Variants in PSMD2 observed in about 807,000 individuals in gnomAD.
PSMD2 encodes the protein proteasome 26S subunit ubiquitin receptor, non-ATPase 2, also known as 26S proteasome non-ATPase regulatory subunit 2.
A neutral mutation model predicts 101.5 loss-of-function variants in PSMD2; 8 were observed. The ratio of observed to expected loss-of-function variants is 0.08; its 90% CI spans 0.05 to 0.14. The LOEUF (loss-of-function observed/expected upper bound fraction) is 0.14. PSMD2 is among the 10% of genes least tolerant of loss of function. The pLI is 1.00. For synonymous variants in PSMD2, 418 were observed against 433.8 expected (o/e 0.96, Z 0.45); for missense variants, 784 against 1,147.4 (o/e 0.68, Z 4.58).
At position 184,308,001 on chromosome 3, in the gene PSMD2, C is replaced by T. The variant is rs138940467; in HGVS notation, c.2410C>T (p.Leu804=). The T allele has an allele frequency of 5.0e-6, 8 of 1,613,928 alleles. No individual in the cohort carries two copies. The highest frequency in any genetic ancestry group is 4.2e-6 in the Non-Finnish European group (5 of 1,180,048). The change falls in exon 19 of 21, where the codon CTG becomes TTG. Residue 804 remains leucine, a synonymous_variant. Coordinates refer to ENST00000310118, the MANE Select transcript of PSMD2 (RefSeq NM_002808.5). The surrounding 1 kb of genome is among the most constrained non-coding windows in gnomAD (Gnocchi z 6.0). ...AGLLTVLVSF[L]DVRNIILGKS... Reference sequence around the variant, plus strand: ...ACTGCTCACTGTGCTTGTCTCTTTCCTGGATGTTCGAAACAGTGAGTTCCT... The same window carrying T: ...ACTGCTCACTGTGCTTGTCTCTTTCTTGGATGTTCGAAACAGTGAGTTCCT...
At chr3:184,303,263 CT>C (rs1721710409) in intron 8 of PSMD2, 56 bp from the exon 9 acceptor site, 2 of 1,583,546 alleles carry the variant, frequency 1.3e-6, no homozygotes, top group African/African-American at 2.7e-5. Context: ...TGCTGTGTTT[CT>C]TTCCTGTCCT....
intron 1 of PSMD2, 22 bp from the exon 2 acceptor site, chr3:184,299,829 G>A: frequency 1.2e-6 from 2 of 1,606,650 alleles, no homozygotes; most frequent in Non-Finnish European, 1.7e-6. Flanking sequence ...CTCTTCATGA[G>A]CTGCTTCTCC....
At position 184,305,800 on chromosome 3, in the gene PSMD2, G is replaced by T; in HGVS notation, c.1572G>T (p.Met524Ile). The change falls in exon 13 of 21, where the codon ATG (methionine) becomes ATT (isoleucine). Residue 524 changes from methionine to isoleucine, a missense_variant. Coordinates refer to ENST00000310118, the MANE Select transcript of PSMD2 (RefSeq NM_002808.5). ...VAGVTALACGMIAVGSCNGDV... is the reference protein window; with the variant it reads ...VAGVTALACGIIAVGSCNGDV... ...GTGTCACAGCTTTAGCCTGTGGAAT[G>T]ATAGCAGTAGGGTCCTGCAATGGAG... 6.2e-7 allele frequency: 1 copy of T among 1,614,116 alleles called. No individual in the cohort carries two copies. The highest frequency in any genetic ancestry group is 2.2e-5 in the East Asian group (1 of 44,892).
chr3:184,302,130 A>C, intron 5 of PSMD2, 59 bp downstream of exon 5: 2 of 1,532,660 alleles, frequency 1.3e-6, no homozygotes, highest in African/African-American at 1.4e-5. Context: ...CTCTCTCTCA[A>C]TTGCGCCTCC....
intron 12 of PSMD2, among the ~76,000 whole-genome samples, chr3:184,305,007 T>G (rs1031707587): frequency 1.8e-4 from 28 of 152,218 alleles, no homozygotes; most frequent in African/African-American, 6.5e-4. Context: ...TGATTCTCCT[T>G]AGTATTGTAG....
Position 184,299,319 on chromosome 3 carries a change from C to A in PSMD2, c.53C>A (p.Ala18Glu). The change falls in exon 1 of 21, where the codon GCG (alanine) becomes GAG (glutamate). Residue 18 changes from alanine to glutamate, a missense_variant. Around this residue, in one of 6 missense-constraint regions of PSMD2, gnomAD observed 196 missense variants for 182.4 expected, o/e 1.07. Coordinates refer to ENST00000310118, the MANE Select transcript of PSMD2 (RefSeq NM_002808.5). ...KAPVQPQQSP[A>E]AAPGGTDEKP... Reference sequence around the variant, plus strand: ...CCGGTGCAGCCCCAGCAGTCTCCAGCGGCGGCCCCCGGCGGCACGGACGAG... The same window carrying A: ...CCGGTGCAGCCCCAGCAGTCTCCAGAGGCGGCCCCCGGCGGCACGGACGAG... The A allele has an allele frequency of 7.1e-7, 1 of 1,400,396 alleles. No homozygotes were observed. Among genetic ancestry groups the A allele is most frequent in the Admixed American group, 3.2e-5 (1 of 31,430 alleles). 86.7% of individuals were successfully genotyped at this position (1,400,396 alleles called of 1,614,324 possible). A position where few individuals can be genotyped will look rare whatever the true frequency, so the allele number is the denominator to read the frequency against.
At position 184,306,735 on chromosome 3, in the gene PSMD2, C is replaced by T. The variant is rs762148638; in HGVS notation, c.1951-16C>T. 6.2e-7 allele frequency: 1 copy of T among 1,610,110 alleles called. No homozygotes were observed. Among genetic ancestry groups the T allele is most frequent in the Non-Finnish European group, 8.5e-7 (1 of 1,177,618 alleles). ...TTCCTTGAGCTTAATGGGTTCTGCT[C>T]TCTCTTCAATTGCAGGGAGTGGCTG... On this transcript the variant is annotated splice_polypyrimidine_tract_variant and intron_variant, in intron 15 of 20. Transcript: ENST00000310118.
At chr3:184,306,654 C>CACAGG in intron 15 of PSMD2, 97 bp from the exon 16 acceptor site, 2 of 1,523,770 alleles carry the variant, frequency 1.3e-6, no homozygotes, top group Non-Finnish European at 1.8e-6. Flanking sequence ...AGGTGTTCCC[C>CACAGG]ACAGGATGGC....
intron 5 of PSMD2, 64 bp from the exon 6 acceptor site, chr3:184,302,306 T>G (rs1040496665): frequency 5.4e-5 from 76 of 1,404,954 alleles, no homozygotes; most frequent in Non-Finnish European, 6.7e-5. Context: ...TTTGGGTAAG[T>G]GAATTCATGG....
At position 184,307,497 on chromosome 3, in the gene PSMD2, C is replaced by A; in HGVS notation, c.2175C>A (p.Ser725=). 1 of 1,614,172 alleles carries A rather than the reference C, an allele frequency of 6.2e-7. No individual in the cohort carries two copies. Among genetic ancestry groups the A allele is most frequent in the South Asian group, 1.1e-5 (1 of 91,088 alleles). The change falls in exon 17 of 21, where the codon TCC becomes TCA. Residue 725 remains serine, a synonymous_variant. Transcript: ENST00000310118. ...HDADPEVSYN[S]IFAMGMVGSG... is the part of the protein sequence containing the mutation. ...CTGATCCAGAAGTTTCCTATAACTC[C>A]ATTTTTGCCATGGGCATGGTGGGCA...
intron 3 of PSMD2, 56 bp downstream of exon 3, chr3:184,300,500 A>G: frequency 1.9e-6 from 3 of 1,577,482 alleles, no homozygotes; most frequent in Non-Finnish European, 8.6e-7. Context: ...TTTTACCCAG[A>G]TCATGGGGGG....
At chr3:184,299,747 C>A (rs533914796) in intron 1 of PSMD2, 104 bp from the exon 2 acceptor site, 1 of 931,120 alleles carries the variant, frequency 1.1e-6, no homozygotes, top group South Asian at 1.4e-5. Flanking sequence ...TCCACCTGGC[C>A]CCTCCTAAGG....
chr3:184,304,465 G>A lies in PSMD2; in HGVS notation c.1539+74G>A, dbSNP rs926203944. ...AGTCTTACTTTCTGTGATAAATAATGAAAAAGAAGTAAGTGTGTGCATGTG... is the reference window on the plus strand; with the variant it reads ...AGTCTTACTTTCTGTGATAAATAATAAAAAAGAAGTAAGTGTGTGCATGTG... On this transcript the variant is annotated intron_variant, in intron 12 of 20. Coordinates refer to ENST00000310118, the MANE Select transcript of PSMD2 (RefSeq NM_002808.5). The surrounding 1 kb of genome is among the most constrained non-coding windows in gnomAD (Gnocchi z 4.1). 3 of 1,464,792 alleles carry A rather than the reference G, an allele frequency of 2.0e-6. No homozygotes were observed. The highest frequency in any genetic ancestry group is 2.9e-6 in the Non-Finnish European group (3 of 1,045,872). The allele number at this position is 1,464,792 out of a possible 1,614,324, so 90.7% of individuals were successfully genotyped here.
At chr3:184,301,406 T>A (rs1189344664) in intron 3 of PSMD2, 131 bp from the exon 4 acceptor site, 1 of 1,169,806 alleles carries the variant, frequency 8.5e-7, no homozygotes, top group Non-Finnish European at 1.2e-6. Context: ...TTACATAACA[T>A]GTTAAATTTC....
rs1396630606 is a variant in PSMD2 at position 184,304,981 on chromosome 3, C to T, written c.1539+590C>T. 6.6e-6 allele frequency among the ~76,000 whole-genome samples: 1 copy of T among 152,072 alleles called. No homozygotes were observed. The highest frequency in any genetic ancestry group is 1.5e-5 in the Non-Finnish European group (1 of 68,040). Reference sequence around the variant, plus strand: ...TGGACTAGAGTGAAGTGTAACTTAACACAGCCTGGGGTTGATGATTCTCCT... The same window carrying T: ...TGGACTAGAGTGAAGTGTAACTTAATACAGCCTGGGGTTGATGATTCTCCT... On this transcript the variant is annotated intron_variant, in intron 12 of 20. Transcript: ENST00000310118. The surrounding 1 kb of genome is among the most constrained non-coding windows in gnomAD (Gnocchi z 4.1).
rs1269052215 is a variant in PSMD2 at position 184,307,778 on chromosome 3, G to T, written c.2298+70G>T. On this transcript the variant is annotated intron_variant, in intron 18 of 20. Coordinates refer to ENST00000310118, the MANE Select transcript of PSMD2 (RefSeq NM_002808.5). Reference sequence around the variant, plus strand: ...GTGGTGATGGAAGGAGGAACATGGAGTGTTGGCCCAGGAGGAAAGATGTGA... The same window carrying T: ...GTGGTGATGGAAGGAGGAACATGGATTGTTGGCCCAGGAGGAAAGATGTGA... 1.9e-6 allele frequency: 3 copies of T among 1,604,506 alleles called. No homozygotes were observed. The African/African-American group carries it at 4.0e-5, about 21-fold the overall frequency.
At position 184,304,291 on chromosome 3, in the gene PSMD2, A is replaced by G. The variant is rs898965016; in HGVS notation, c.1452-13A>G. ...GGTATGTGTTGGGGACCGCCTTTCC[A>G]TGGCTTTTGCAGGCTAGGCTTGGCT... On this transcript the variant is annotated splice_polypyrimidine_tract_variant and intron_variant, in intron 11 of 20. Transcript: ENST00000310118. This position sits in a 1 kb window ranked among gnomAD's most constrained non-coding sequence, Gnocchi z 4.1. 4 of 1,613,776 alleles carry G rather than the reference A, an allele frequency of 2.5e-6. No homozygotes were observed. Among genetic ancestry groups the G allele is most frequent in the South Asian group, 1.1e-5 (1 of 91,072 alleles).
At position 184,302,534 on chromosome 3, in the gene PSMD2, T is replaced by C; in HGVS notation, c.863+6T>C. On this transcript the variant is annotated splice_donor_region_variant and intron_variant, in intron 6 of 20. Transcript: ENST00000310118. ...TTCACCTCCTGCAAGGATGTGTATGTAGGGAAGAAGCTGGCAAAGAGATAA... is the reference window on the plus strand; with the variant it reads ...TTCACCTCCTGCAAGGATGTGTATGCAGGGAAGAAGCTGGCAAAGAGATAA... The C allele has an allele frequency of 2.5e-6, 4 of 1,613,844 alleles. No homozygotes were observed. Among genetic ancestry groups the C allele is most frequent in the African/African-American group, 1.3e-5 (1 of 75,016 alleles).
rs548940296 is a variant in PSMD2 at position 184,299,323 on chromosome 3, G to A, written c.57G>A (p.Ala19=). 2.1e-6 allele frequency: 3 copies of A among 1,402,478 alleles called. No homozygotes were observed. The highest frequency in any genetic ancestry group is 2.8e-6 in the Non-Finnish European group (3 of 1,081,684). The allele number at this position is 1,402,478 out of a possible 1,614,324, so 86.9% of individuals were successfully genotyped here. Residue 19 remains alanine (A), a synonymous_variant, in exon 1 of 21, where the codon GCG becomes GCA. Coordinates refer to ENST00000310118, the MANE Select transcript of PSMD2 (RefSeq NM_002808.5). ...TGCAGCCCCAGCAGTCTCCAGCGGC[G>A]GCCCCCGGCGGCACGGACGAGAAGC... ...APVQPQQSPA[A]APGGTDEKPS...
Sources: gnomAD v4.1 joint callset for allele counts (sites outside exome capture counted in the v4.1 genomes callset) on GRCh38, gnomAD v4.1.1 for gene constraint, gnomAD v4.1.1 regional missense constraint, Gnocchi (gnomAD v3.1) non-coding constraint, MANE v1.5 for transcripts, NCBI Gene and HGNC (gene_info 2026-07-23, HGNC 2026-07-21) for gene names.